Variants in PDE10A observed in about 807,000 individuals in gnomAD.
The protein encoded by PDE10A is phosphodiesterase 10A.
A neutral mutation model predicts 97.7 loss-of-function variants in PDE10A; 39 were observed. The ratio of observed to expected loss-of-function variants is 0.40; its 90% CI spans 0.31 to 0.52. The LOEUF (loss-of-function observed/expected upper bound fraction) is 0.52. Among genes scored for constraint, PDE10A ranks in the 20% least tolerant of loss-of-function variants. The pLI is 0.56. For synonymous variants in PDE10A, 371 were observed against 376.8 expected (o/e 0.98, Z 0.18); for missense variants, 731 against 1,047.8 (o/e 0.70, Z 4.17).
chr6:165,842,747 G>C (rs923017573), intron 1 of PDE10A, among the ~76,000 whole-genome samples: 1 of 152,194 alleles, frequency 6.6e-6, no homozygotes, highest in Non-Finnish European at 1.5e-5. Flanking sequence ...GTAACTTGCC[G>C]ATAGTCACAC....
At chr6:165,359,350 T>C (rs1318734250) in intron 18 of PDE10A, among the ~76,000 whole-genome samples, 1 of 152,166 alleles carries the variant, frequency 6.6e-6, no homozygotes, top group Non-Finnish European at 1.5e-5. Flanking sequence ...GCCTCCTTTT[T>C]TGAAGAATGT....
At position 165,395,190 on chromosome 6, in the gene PDE10A, C is replaced by T; in HGVS notation, c.2294G>A (p.Gly765Glu). 1 of 1,610,566 alleles carries T rather than the reference C, an allele frequency of 6.2e-7. No individual in the cohort carries two copies. Among genetic ancestry groups the T allele is most frequent in the Non-Finnish European group, 8.5e-7 (1 of 1,177,070 alleles). The part of the protein sequence containing the change: ...IFVYMVHRSC[G>E]TSCFELEKLC... ...TTAAAGTCATTCATACCAGGATGTC[C>T]CACAGGACCGATGAACCATGTAGAC... Residue 765 changes from glycine to glutamate, a missense_variant, in exon 15 of 22, where the codon GGG (glycine) becomes GAG (glutamate). Around this residue, in one of 8 missense-constraint regions of PDE10A, gnomAD observed 131 missense variants for 187.4 expected, o/e 0.70. Transcript: ENST00000539869.
At chr6:165,713,383 C>T (rs1303071074) in intron 1 of PDE10A, among the ~76,000 whole-genome samples, 1 of 152,232 alleles carries the variant, frequency 6.6e-6, no homozygotes, top group African/African-American at 2.4e-5. Context: ...AAGCAACTAC[C>T]TTCAGAAGTG....
intron 1 of PDE10A, among the ~76,000 whole-genome samples, chr6:165,806,022 AT>A (rs1330398657): frequency 7.9e-6 from 1 of 127,068 alleles, no homozygotes; most frequent in Non-Finnish European, 1.6e-5. Context: ...TGGCAAAATG[AT>A]TTGTAGTTGC....
chr6:165,459,910 G>A (rs1159348378), intron 3 of PDE10A, among the ~76,000 whole-genome samples: 1 of 152,128 alleles, frequency 6.6e-6, no homozygotes, highest in Non-Finnish European at 1.5e-5. Flanking sequence ...CCAGATAGGG[G>A]AAAAAAGAAA....
At chr6:165,821,804 A>G (rs1456711750) in intron 1 of PDE10A, among the ~76,000 whole-genome samples, 1 of 152,092 alleles carries the variant, frequency 6.6e-6, no homozygotes, top group Non-Finnish European at 1.5e-5. Flanking sequence ...CGGCCTCCCA[A>G]AGTGCTGGGA....
chr6:165,976,036 G>A (rs891092789), intron 1 of PDE10A, among the ~76,000 whole-genome samples: 5 of 152,276 alleles, frequency 3.3e-5, no homozygotes, highest in South Asian at 2.1e-4. Flanking sequence ...ACAAAAATGG[G>A]AGTAAGTAGG....
At chr6:165,397,144 G>A (rs983922140) in intron 13 of PDE10A, among the ~76,000 whole-genome samples, 1 of 152,106 alleles carries the variant, frequency 6.6e-6, no homozygotes, top group South Asian at 2.1e-4. Context: ...GAAATCTTGT[G>A]TATCTGTATC....
At chr6:165,876,348 T>A (rs1713369670) in intron 1 of PDE10A, among the ~76,000 whole-genome samples, 1 of 152,210 alleles carries the variant, frequency 6.6e-6, no homozygotes, top group Admixed American at 6.5e-5. Flanking sequence ...CTGGCTTTTT[T>A]AAAATAAAGA....
At chr6:165,413,768 C>G (rs1026334329) in intron 12 of PDE10A, 81 bp from the exon 13 acceptor site, 56 of 1,163,266 alleles carry the variant, frequency 4.8e-5, no homozygotes, top group Non-Finnish European at 6.5e-5. Flanking sequence ...ATAAATCTCC[C>G]CTCAATCTTT....
At position 165,646,649 on chromosome 6, in the gene PDE10A, T is replaced by A. The variant is rs543889760; in HGVS notation, c.865+15298A>T. Among the ~76,000 whole-genome samples the A allele has an allele frequency of 2.0e-5, 3 of 152,336 alleles. No homozygotes were observed. The South Asian group carries it at 6.2e-4, about 32-fold the overall frequency. ...TGGACAGCAGAACTCAAGCTTATGA[T>A]GTCGAGGAAAGACAGGCGAGCAGGA... On this transcript the variant is annotated intron_variant, in intron 1 of 21. Coordinates refer to ENST00000539869, the MANE Select transcript of PDE10A (RefSeq NM_001385079.1).
intron 1 of PDE10A, among the ~76,000 whole-genome samples, chr6:165,927,985 C>A (rs1486265613): frequency 6.6e-6 from 1 of 150,754 alleles, no homozygotes; most frequent in East Asian, 1.9e-4. Context: ...GCGTGAGCCA[C>A]CACGCCAGGC....
chr6:165,561,661 C>G (rs1195499865), intron 1 of PDE10A, among the ~76,000 whole-genome samples: 1 of 152,158 alleles, frequency 6.6e-6, no homozygotes, highest in Non-Finnish European at 1.5e-5. Flanking sequence ...TAACCAATAA[C>G]CAGTTATTGG....
At chr6:165,978,952 A>C (rs1315280783) in intron 1 of PDE10A, among the ~76,000 whole-genome samples, 1 of 152,140 alleles carries the variant, frequency 6.6e-6, no homozygotes, top group African/African-American at 2.4e-5. Context: ...AAGGAGGAGG[A>C]GGTGGAGGAG....
At chr6:165,443,060 C>T (rs892802943) in intron 5 of PDE10A, among the ~76,000 whole-genome samples, 6 of 141,684 alleles carry the variant, frequency 4.2e-5, no homozygotes, top group Non-Finnish European at 6.0e-5. Context: ...TGCAGTGAGC[C>T]GAGACCATAC....
At chr6:165,566,427 C>T (rs1160180307) in intron 1 of PDE10A, among the ~76,000 whole-genome samples, 1 of 152,126 alleles carries the variant, frequency 6.6e-6, no homozygotes, top group Non-Finnish European at 1.5e-5. Flanking sequence ...ACACCAAATG[C>T]CAGCAAGAAT....
intron 5 of PDE10A, among the ~76,000 whole-genome samples, chr6:165,441,646 A>G (rs1380310981): frequency 6.6e-6 from 1 of 152,228 alleles, no homozygotes; most frequent in East Asian, 1.9e-4. Context: ...CAAGTTCTGA[A>G]AAAGTATAAC....
chr6:165,376,701 G>A (rs1392899896), intron 18 of PDE10A, among the ~76,000 whole-genome samples: 1 of 152,164 alleles, frequency 6.6e-6, no homozygotes, highest in Non-Finnish European at 1.5e-5. Context: ...GACTGCTTGA[G>A]GCCAGGAGTT....
intron 2 of PDE10A, among the ~76,000 whole-genome samples, chr6:165,504,424 T>G (rs1781075201): frequency 6.6e-6 from 1 of 152,202 alleles, no homozygotes; most frequent in Non-Finnish European, 1.5e-5. Flanking sequence ...GATTGAATAT[T>G]CTTCATCTCC....
Sources: allele counts gnomAD v4.1 joint callset (sites outside exome capture counted in the v4.1 genomes callset), GRCh38; gene constraint gnomAD v4.1.1; regional missense constraint gnomAD v4.1.1; transcripts MANE v1.5; gene names NCBI Gene and HGNC (gene_info 2026-07-23, HGNC 2026-07-21).